The following FBXL13 variants were observed in gnomAD, a reference collection of about 807,000 sequenced individuals.
The protein encoded by FBXL13 is F-box and leucine-rich repeat protein 13.
A neutral mutation model predicts 83.6 loss-of-function variants in FBXL13; 67 were observed. The ratio of observed to expected loss-of-function variants is 0.80; its 90% CI spans 0.66 to 0.98. FBXL13 has a LOEUF of 0.98. FBXL13 is among the 50% of genes least tolerant of loss of function. The probability of loss-of-function intolerance (pLI) is 0.00; values close to 1 mark genes in which losing one functional copy is unlikely to be tolerated. For synonymous variants in FBXL13, 272 were observed against 299.5 expected (o/e 0.91, Z 0.95); for missense variants, 822 against 866.5 (o/e 0.95, Z 0.64).
intron 16 of FBXL13, 34 bp downstream of exon 17, chr7:102,877,433 A>G (rs767975648): frequency 6.7e-7 from 1 of 1,495,984 alleles, no homozygotes; most frequent in Non-Finnish European, 9.0e-7. Flanking sequence ...ATAGAAAACA[A>G]TAAAAGTCAT....
intron 6 of FBXL13, among the ~76,000 whole-genome samples, chr7:103,017,512 C>T (rs972080743): frequency 3.9e-5 from 6 of 151,962 alleles, no homozygotes; most frequent in Non-Finnish European, 7.4e-5. Context: ...AGGCTTCAGA[C>T]GATCAAACTT....
At chr7:103,034,889 A>C (rs1394466909) in intron 2 of FBXL13, among the ~76,000 whole-genome samples, 1 of 152,254 alleles carries the variant, frequency 6.6e-6, no homozygotes, top group Non-Finnish European at 1.5e-5. Context: ...ACATTATGCC[A>C]GTTTTTGAAA....
chr7:102,896,588 ATCAAGGTGTT>A (rs1812278453), intron 11 of FBXL13, among the ~76,000 whole-genome samples: 1 of 152,218 alleles, frequency 6.6e-6, no homozygotes, highest in African/African-American at 2.4e-5. Flanking sequence ...AAAGTCTGAG[ATCAAGGTGTT>A]GGCAAAGTTG....
At chr7:103,039,834 T>C (rs139677555) in intron 2 of FBXL13, among the ~76,000 whole-genome samples, 3,110 of 151,904 alleles carry the variant, frequency 0.02, 117 homozygotes, top group African/African-American at 0.072. Flanking sequence ...AAGCACTAAA[T>C]ATGGAAAGGA....
intron 8 of FBXL13, among the ~76,000 whole-genome samples, chr7:102,960,464 A>G (rs1469337365): frequency 6.6e-6 from 1 of 151,964 alleles, no homozygotes; most frequent in Non-Finnish European, 1.5e-5. Flanking sequence ...AAAAGAGGGA[A>G]TCCTCCCTAA....
chr7:103,074,570 C>G, upstream of FBXL13: 1 of 1,230,304 alleles, frequency 8.1e-7, no homozygotes, highest in African/African-American at 1.5e-5. Flanking sequence ...TCGCATTCTG[C>G]CCCGCCTTCC....
chr7:102,883,746 G>GA, intron 12 of FBXL13, 61 bp from the exon 14 acceptor site: 3 of 1,036,024 alleles, frequency 2.9e-6, no homozygotes, highest in Non-Finnish European at 4.4e-6. Flanking sequence ...GCAAGGTAAT[G>GA]AAGTCACTTT....
rs538665966 is a variant in FBXL13 at position 102,907,998 on chromosome 7, C to T, written c.1008+5088G>A. Among the ~76,000 whole-genome samples, 12 of 152,274 alleles carry T rather than the reference C, an allele frequency of 7.9e-5. No individual in the cohort carries two copies. In the South Asian group the frequency reaches 2.1e-3, roughly 26 times the overall value. On this transcript the variant is annotated intron_variant, in intron 11 of 19. Coordinates refer to ENST00000313221, the Ensembl canonical transcript of FBXL13. ...AAACTAGTTCAACCATTGTGGAAGACAGTGTGGCGATTCCTGAAGGATCTA... is the reference window on the plus strand; with the variant it reads ...AAACTAGTTCAACCATTGTGGAAGATAGTGTGGCGATTCCTGAAGGATCTA...
intron 16 of FBXL13, among the ~76,000 whole-genome samples, chr7:102,860,690 T>A (rs1300166149): frequency 6.6e-6 from 1 of 152,058 alleles, no homozygotes; most frequent in Non-Finnish European, 1.5e-5. Context: ...TGTGTGTGTG[T>A]GTGTGTGGTG....
chr7:103,073,774 G>T lies in FBXL13; in HGVS notation c.-105+472C>A, dbSNP rs781709218. Reference sequence around the variant, plus strand: ...CCATCCAAAAAAGAGACGGGTGGGGGGTCTCTACCAAATTGCCCTCCCAAC... The same window carrying T: ...CCATCCAAAAAAGAGACGGGTGGGGTGTCTCTACCAAATTGCCCTCCCAAC... On this transcript the variant is annotated intron_variant, in intron 1 of 19. Coordinates refer to ENST00000313221, the Ensembl canonical transcript of FBXL13. Among the ~76,000 whole-genome samples the T allele has an allele frequency of 2.0e-5, 3 of 151,856 alleles. 1 individual carries two copies. The highest frequency in any genetic ancestry group is 2.0e-4 in the Admixed American group (3 of 15,232).
intron 6 of FBXL13, chr7:102,976,279 T>C (rs981386145): frequency 4.4e-6 from 3 of 682,478 alleles, no homozygotes; most frequent in Non-Finnish European, 8.0e-6. Flanking sequence ...CTATTCTGCT[T>C]TCCCTAATTT....
downstream of FBXL13, among the ~76,000 whole-genome samples, chr7:102,812,260 C>G (rs772135482): frequency 6.6e-6 from 1 of 152,272 alleles, no homozygotes; most frequent in South Asian, 2.1e-4. Context: ...CTAAAACCTA[C>G]GGATTAAAGC....
At chr7:103,009,359 C>T (rs753512688) in intron 6 of FBXL13, among the ~76,000 whole-genome samples, 7 of 152,010 alleles carry the variant, frequency 4.6e-5, no homozygotes, top group Non-Finnish European at 1.0e-4. Context: ...ACACAGATTG[C>T]AGAGAGGAAT....
intron 18 of FBXL13, among the ~76,000 whole-genome samples, chr7:102,831,879 A>C (rs554390075): frequency 3.9e-5 from 6 of 152,324 alleles, no homozygotes; most frequent in African/African-American, 1.4e-4. Context: ...GAACAAAATT[A>C]TATGTGTATA....
intron 2 of FBXL13, among the ~76,000 whole-genome samples, chr7:103,046,649 C>G (rs1034522878): frequency 2.6e-5 from 4 of 152,090 alleles, no homozygotes; most frequent in Admixed American, 2.6e-4. Flanking sequence ...TAATAGACCC[C>G]CTCATCATTT....
In FBXL13 at chr7:102,858,857, G is replaced by C. The variant is rs117384859; in HGVS notation, c.1636-3997C>G. Among the ~76,000 whole-genome samples, 150 of 152,306 alleles carry C rather than the reference G, an allele frequency of 9.8e-4. 1 individual carries two copies. In the East Asian group the frequency reaches 0.025, roughly 25 times the overall value. The stretch of plus-strand genomic sequence containing the variant: ...GCTCAGGGTGGGACAGGCATAAGGA[G>C]TGACTGCTAATGGGAAGGGCTTTTC... On this transcript the variant is annotated intron_variant, in intron 16 of 19. Coordinates refer to ENST00000313221, the Ensembl canonical transcript of FBXL13.
At chr7:102,925,447 T>C (rs79722111) in intron 10 of FBXL13, among the ~76,000 whole-genome samples, 2,224 of 152,248 alleles carry the variant, frequency 0.015, 49 homozygotes, top group African/African-American at 0.05. Flanking sequence ...CTGTCAATTC[T>C]TTTGTTATTC....
chr7:103,055,888 G>T (rs1328294866), intron 1 of FBXL13, 141 bp from the exon 2 acceptor site: 5 of 404,970 alleles, frequency 1.2e-5, no homozygotes, highest in Non-Finnish European at 9.3e-6. Context: ...TGGGGAACAG[G>T]TGGTGTTTGG....
At chr7:102,956,224 T>C (rs963980009) in intron 8 of FBXL13, among the ~76,000 whole-genome samples, 2 of 152,130 alleles carry the variant, frequency 1.3e-5, no homozygotes, top group Admixed American at 6.5e-5. Context: ...CAAGGCTGGT[T>C]CAACATATGC....
Sources: gnomAD v4.1 joint callset for allele counts (sites outside exome capture counted in the v4.1 genomes callset) on GRCh38, gnomAD v4.1.1 for gene constraint, MANE v1.5 for transcripts, NCBI Gene and HGNC (gene_info 2026-07-23, HGNC 2026-07-21) for gene names.